CNTN3: variants seen among roughly 807,000 people sequenced by gnomAD.
CNTN3 encodes contactin-3.
A neutral mutation model predicts 119.1 loss-of-function variants in CNTN3; 60 were observed. That is an observed-to-expected ratio of 0.50 (90% CI 0.41 to 0.62). CNTN3 has a LOEUF of 0.62. CNTN3 is among the 20% of genes least tolerant of loss of function. The pLI is 0.00. For missense variants in CNTN3, 1,101 were observed against 1,242.4 expected (o/e 0.89, Z 1.71); for synonymous variants, 450 against 438.7 (o/e 1.03, Z -0.32).
chr3:74,544,764 A>C (rs535989974), intron 1 of CNTN3, among the ~76,000 whole-genome samples: 3 of 151,728 alleles, frequency 2.0e-5, no homozygotes, highest in Non-Finnish European at 2.9e-5. Context: ...ACATCTGGCA[A>C]TTTTTTTGTA....
Position 74,418,696 on chromosome 3 carries a change from T to C in CNTN3, c.454+6149A>G, listed in dbSNP as rs539515545. ...CATCAAATTTAGAGATTCATCTCTA[T>C]ATTTTTTTATTTTGACACTACCTAT... On this transcript the variant is annotated intron_variant, in intron 5 of 22. Coordinates refer to ENST00000263665, the MANE Select transcript of CNTN3 (RefSeq NM_020872.3). Among the ~76,000 whole-genome samples the C allele has an allele frequency of 1.4e-4, 21 of 152,192 alleles. No homozygotes were observed. In the East Asian group the frequency reaches 2.5e-3, roughly 18 times the overall value.
At chr3:74,345,551 AGTCTTGAGT>A (rs1161647134) in intron 11 of CNTN3, among the ~76,000 whole-genome samples, 4 of 152,214 alleles carry the variant, frequency 2.6e-5, no homozygotes, top group Non-Finnish European at 4.4e-5. Context: ...ATTCCTCAAG[AGTCTTGAGT>A]GTTAATATTC....
At chr3:74,499,947 A>G (rs765615366) in intron 2 of CNTN3, among the ~76,000 whole-genome samples, 162 bp from the exon 3 acceptor site, 5 of 152,084 alleles carry the variant, frequency 3.3e-5, no homozygotes, top group East Asian at 1.9e-4. Flanking sequence ...AAGGAAATCA[A>G]TTAACCCACT....
At chr3:74,326,582 C>A (rs1703135875) in intron 13 of CNTN3, among the ~76,000 whole-genome samples, 1 of 152,000 alleles carries the variant, frequency 6.6e-6, no homozygotes, top group Non-Finnish European at 1.5e-5. Context: ...ATCCTCCTAT[C>A]TAGCTGTAAG....
chr3:74,596,192 C>G (rs1395900588), intron 1 of CNTN3, among the ~76,000 whole-genome samples: 3 of 152,074 alleles, frequency 2.0e-5, no homozygotes, highest in Non-Finnish European at 4.4e-5. Context: ...AAAGACGATA[C>G]AAACAAATGG....
intron 4 of CNTN3, among the ~76,000 whole-genome samples, chr3:74,482,393 T>A (rs1702778058): frequency 6.6e-6 from 1 of 151,996 alleles, no homozygotes; most frequent in African/African-American, 2.4e-5. Context: ...GAATTTAAAA[T>A]AATAAATCAT....
At chr3:74,404,020 C>T (rs1272314397) in intron 5 of CNTN3, among the ~76,000 whole-genome samples, 2 of 152,072 alleles carry the variant, frequency 1.3e-5, no homozygotes, top group African/African-American at 2.4e-5. Flanking sequence ...ACAAGACTCG[C>T]TATTCTCTGT....
chr3:74,559,995 T>G (rs550863313), intron 1 of CNTN3, among the ~76,000 whole-genome samples: 1 of 152,220 alleles, frequency 6.6e-6, no homozygotes, highest in Admixed American at 6.5e-5. Flanking sequence ...CATCATCCAT[T>G]CAAAGAGTGG....
chr3:74,558,675 C>G (rs112729848), intron 1 of CNTN3, among the ~76,000 whole-genome samples: 5 of 152,046 alleles, frequency 3.3e-5, no homozygotes, highest in East Asian at 1.9e-4. Context: ...TCATCTGTAA[C>G]ATGGAATTAA....
intron 5 of CNTN3, among the ~76,000 whole-genome samples, chr3:74,378,400 T>A (rs1163992572): frequency 2.0e-5 from 3 of 152,214 alleles, no homozygotes; most frequent in African/African-American, 7.2e-5. Context: ...ATGACACTAT[T>A]ATATATTGTA....
chr3:74,545,150 T>A (rs981884779), intron 1 of CNTN3, among the ~76,000 whole-genome samples: 1 of 152,134 alleles, frequency 6.6e-6, no homozygotes, highest in South Asian at 2.1e-4. Flanking sequence ...ATTGTAATAA[T>A]AAAACAAAAA....
chr3:74,581,508 T>C (rs1704509180), intron 1 of CNTN3, among the ~76,000 whole-genome samples: 1 of 152,240 alleles, frequency 6.6e-6, no homozygotes, highest in Non-Finnish European at 1.5e-5. Context: ...GCTATGTTCA[T>C]TGAGTGAAAG....
intron 2 of CNTN3, among the ~76,000 whole-genome samples, chr3:74,505,568 C>T (rs1362719412): frequency 6.6e-6 from 1 of 151,806 alleles, no homozygotes; most frequent in African/African-American, 2.4e-5. Context: ...ACCCAGAGCT[C>T]TCACATCTTT....
intron 1 of CNTN3, among the ~76,000 whole-genome samples, chr3:74,524,395 G>A (rs773871322): frequency 6.6e-6 from 1 of 151,786 alleles, no homozygotes; most frequent in Non-Finnish European, 1.5e-5. Context: ...AAATGAGTAT[G>A]GGGTATTTAT....
intron 11 of CNTN3, among the ~76,000 whole-genome samples, chr3:74,346,966 C>G (rs1054536971): frequency 6.6e-6 from 1 of 152,122 alleles, no homozygotes; most frequent in African/African-American, 2.4e-5. Context: ...GAAAATTATA[C>G]GTACTTTTAA....
intron 19 of CNTN3, among the ~76,000 whole-genome samples, chr3:74,294,814 A>G (rs1469585693): frequency 1.3e-5 from 2 of 152,162 alleles, no homozygotes; most frequent in African/African-American, 2.4e-5. Flanking sequence ...AAAGTACTCT[A>G]TGAACTTGAT....
chr3:74,429,801 C>G (rs182651972), intron 4 of CNTN3, among the ~76,000 whole-genome samples: 1 of 152,058 alleles, frequency 6.6e-6, no homozygotes, highest in Admixed American at 6.6e-5. Context: ...ATAAAACATA[C>G]GATTCCATTA....
At chr3:74,596,032 C>G (rs1704802924) in intron 1 of CNTN3, among the ~76,000 whole-genome samples, 1 of 152,110 alleles carries the variant, frequency 6.6e-6, no homozygotes, top group African/African-American at 2.4e-5. Context: ...CACAAGCATT[C>G]TTATACACCA....
chr3:74,466,471 G>A (rs533425717), intron 4 of CNTN3, among the ~76,000 whole-genome samples: 3 of 152,232 alleles, frequency 2.0e-5, no homozygotes, highest in South Asian at 4.1e-4. Context: ...TATGCTGAAA[G>A]TATCATTATG....
Sources: gnomAD v4.1 joint callset for allele counts (sites outside exome capture counted in the v4.1 genomes callset) on GRCh38, gnomAD v4.1.1 for gene constraint, MANE v1.5 for transcripts, NCBI Gene and HGNC (gene_info 2026-07-23, HGNC 2026-07-21) for gene names.